RMP64: variants seen among roughly 807,000 people sequenced by gnomAD.
RMP64 encodes nucleolus and neural progenitor protein.
chr3:113,015,211 G>A, the RMP64 span, among the ~76,000 whole-genome samples: 1 of 152,062 alleles, frequency 6.6e-6, no homozygotes. Context: ...TACCATGCAT[G>A]GCTCTTACTT....
the RMP64 span, chr3:113,002,812 G>A: frequency 3.3e-5 from 5 of 153,222 alleles, no homozygotes; most frequent in African/African-American, 1.2e-4. Flanking sequence ...TTGAGGAGGG[G>A]ATGGGGTGGC....
chr3:113,005,952 G>T, the RMP64 span: 1 of 1,613,780 alleles, frequency 6.2e-7, no homozygotes, highest in South Asian at 1.1e-5. Flanking sequence ...CCTGAGCCAC[G>T]AAGAAGGTGG....
the RMP64 span, chr3:113,008,427 TCTC>T: frequency 5.7e-4 from 910 of 1,608,272 alleles, 14 homozygotes; most frequent in South Asian, 8.3e-3. Context: ...TCAAAACTGG[TCTC>T]CTGAAACGTG....
At chr3:113,012,922 T>G in the RMP64 span, 1 of 714,300 alleles carries the variant, frequency 1.4e-6, no homozygotes, top group Non-Finnish European at 2.5e-6. Context: ...CTTAAAGGTA[T>G]TAAAGCCTTA....
chr3:113,019,443 G>T, the RMP64 span: 1 of 955,984 alleles, frequency 1.0e-6, no homozygotes, highest in Admixed American at 2.2e-5. Flanking sequence ...CGTCCCCCGG[G>T]CCGGGAAGTC....
At chr3:113,010,505 A>G in the RMP64 span, 1 of 661,114 alleles carries the variant, frequency 1.5e-6, no homozygotes, top group Non-Finnish European at 2.7e-6. Context: ...TTCATTCAGA[A>G]GCACACACTG....
chr3:113,004,703 C>G, the RMP64 span: 3 of 152,206 alleles, frequency 2.0e-5, no homozygotes, highest in Non-Finnish European at 4.4e-5. Flanking sequence ...GCAACATCCC[C>G]TATCAGATGA....
chr3:113,013,913 C>A, the RMP64 span: 1 of 1,375,270 alleles, frequency 7.3e-7, no homozygotes, highest in South Asian at 1.2e-5. Flanking sequence ...ATTGAGTTCC[C>A]AGCCCACCAC....
the RMP64 span, among the ~76,000 whole-genome samples, chr3:113,006,206 G>C: frequency 1.2e-4 from 19 of 152,048 alleles, no homozygotes; most frequent in Non-Finnish European, 2.2e-4. Flanking sequence ...AAGTGTAGAC[G>C]AATGTGTCCC....
At chr3:113,008,540 G>C in the RMP64 span, 4,156 of 912,298 alleles carry the variant, frequency 4.6e-3, 134 homozygotes, top group African/African-American at 0.063. Context: ...AGAATTATCA[G>C]TCCCTAAATG....
the RMP64 span, chr3:113,010,594 C>G: frequency 1.4e-6 from 2 of 1,471,946 alleles, no homozygotes; most frequent in Non-Finnish European, 1.9e-6. Flanking sequence ...GAAGCATCCT[C>G]TACAAATTAG....
chr3:113,009,164 A>G, the RMP64 span, among the ~76,000 whole-genome samples: 1 of 152,190 alleles, frequency 6.6e-6, no homozygotes, highest in Non-Finnish European at 1.5e-5. Flanking sequence ...TCTTCTGACA[A>G]GGCACCTTTA....
At chr3:113,013,451 GTTT>G in the RMP64 span, 43 of 1,260,928 alleles carry the variant, frequency 3.4e-5, no homozygotes, top group East Asian at 1.4e-4. Context: ...AAAAAAAAGG[GTTT>G]TTTTTTTGTT....
the RMP64 span, chr3:113,010,511 C>T: frequency 5.9e-6 from 4 of 682,980 alleles, no homozygotes; most frequent in Non-Finnish European, 1.0e-5. Flanking sequence ...CAGAAGCACA[C>T]ACTGACAACT....
the RMP64 span, chr3:113,008,549 T>C: frequency 1.2e-6 from 1 of 820,154 alleles, no homozygotes; most frequent in East Asian, 2.5e-5. Flanking sequence ...AGTCCCTAAA[T>C]GCTTGAAGTG....
chr3:113,015,612 G>A, the RMP64 span, among the ~76,000 whole-genome samples: 141 of 152,176 alleles, frequency 9.3e-4, 3 homozygotes, highest in South Asian at 0.027. Context: ...TCCATTTAGG[G>A]GAATGTTTAG....
chr3:113,017,981 ACTCT>A, the RMP64 span, among the ~76,000 whole-genome samples: 2 of 152,132 alleles, frequency 1.3e-5, no homozygotes, highest in African/African-American at 4.8e-5. Context: ...ATGTGTAATA[ACTCT>A]CTAACTCCCC....
chr3:113,013,906 G>T, the RMP64 span: 2 of 1,250,128 alleles, frequency 1.6e-6, no homozygotes, highest in Non-Finnish European at 2.4e-6. Context: ...ACAAGACATT[G>T]AGTTCCCAGC....
At chr3:113,017,873 T>C in the RMP64 span, among the ~76,000 whole-genome samples, 1 of 152,244 alleles carries the variant, frequency 6.6e-6, no homozygotes, top group South Asian at 2.1e-4. Context: ...GGTTTAATAA[T>C]CTTTCATATG....
Sources: allele counts gnomAD v4.1 joint callset (sites outside exome capture counted in the v4.1 genomes callset), GRCh38; gene constraint gnomAD v4.1.1; transcripts MANE v1.5; gene names NCBI Gene and HGNC (gene_info 2026-07-23, HGNC 2026-07-21).